CHODL: variants seen among roughly 807,000 people sequenced by gnomAD.
The protein encoded by CHODL is chondrolectin, also known as transmembrane protein MT75.
In CHODL, 29 loss-of-function variants were observed where a neutral mutation model predicts 34.5. The observed-to-expected ratio is 0.84, with a 90% CI of 0.63 to 1.15. The LOEUF is 1.15. CHODL is among the 50% of genes most tolerant of loss of function. The pLI, the probability that CHODL is intolerant of heterozygous loss-of-function variation, is 0.00. For missense variants in CHODL, 332 were observed against 332.5 expected (o/e 1.00, Z 0.01); for synonymous variants, 125 against 116.1 (o/e 1.08, Z -0.49).
intron 2 of CHODL, among the ~76,000 whole-genome samples, chr21:18,175,654 G>A (rs1244256942): frequency 6.6e-6 from 1 of 151,716 alleles, no homozygotes; most frequent in Non-Finnish European, 1.5e-5. Context: ...AGATAAAGGA[G>A]ACAGATGAAA....
chr21:17,992,522 C>T (rs1250147847), intron 1 of CHODL, among the ~76,000 whole-genome samples: 1 of 151,950 alleles, frequency 6.6e-6, no homozygotes. Flanking sequence ...GATATTTCAC[C>T]TCCTTGTTGA....
At chr21:17,983,650 A>C (rs1273856883) in intron 1 of CHODL, among the ~76,000 whole-genome samples, 3 of 152,148 alleles carry the variant, frequency 2.0e-5, no homozygotes, top group African/African-American at 7.2e-5. Flanking sequence ...TCATATATTA[A>C]ATGCAAATTT....
At chr21:18,088,375 T>G (rs2065032981) in intron 2 of CHODL, among the ~76,000 whole-genome samples, 1 of 152,162 alleles carries the variant, frequency 6.6e-6, no homozygotes, top group South Asian at 2.1e-4. Context: ...TGTCTGTAGA[T>G]CCTGATATCT....
chr21:17,969,678 C>G (rs567548832), intron 1 of CHODL, among the ~76,000 whole-genome samples: 4 of 152,238 alleles, frequency 2.6e-5, no homozygotes, highest in African/African-American at 4.8e-5. Flanking sequence ...GTGGCTTGTC[C>G]TCTCTTCTTT....
chr21:17,981,532 A>C (rs949501470), intron 1 of CHODL, among the ~76,000 whole-genome samples: 1 of 152,210 alleles, frequency 6.6e-6, no homozygotes, highest in African/African-American at 2.4e-5. Flanking sequence ...TGCAAATGTC[A>C]GTTGTCCCAA....
chr21:17,962,678 T>C (rs1197092853), intron 1 of CHODL, among the ~76,000 whole-genome samples: 1 of 152,186 alleles, frequency 6.6e-6, no homozygotes, highest in Non-Finnish European at 1.5e-5. Context: ...AGTGATATTC[T>C]TTTCCCTACA....
chr21:18,088,827 C>T (rs1239900776), intron 2 of CHODL, among the ~76,000 whole-genome samples: 3 of 152,174 alleles, frequency 2.0e-5, no homozygotes, highest in Admixed American at 6.5e-5. Flanking sequence ...TGCTATTGTA[C>T]AGGAGCAGCA....
intron 1 of CHODL, chr21:18,027,783 T>C (rs928905264): frequency 6.6e-6 from 1 of 152,444 alleles, no homozygotes; most frequent in Non-Finnish European, 1.5e-5. Context: ...AATTAGATCA[T>C]GAGAGGAGAG....
At chr21:18,143,734 G>A (rs1385220818) in intron 2 of CHODL, among the ~76,000 whole-genome samples, 6 of 151,878 alleles carry the variant, frequency 4.0e-5, no homozygotes, top group Admixed American at 3.9e-4. Flanking sequence ...GTGATAGTTG[G>A]CCATTATTAT....
chr21:18,060,957 G>C (rs1457547288), intron 2 of CHODL, among the ~76,000 whole-genome samples: 1 of 152,072 alleles, frequency 6.6e-6, no homozygotes, highest in Non-Finnish European at 1.5e-5. Flanking sequence ...TCCGAAGCTC[G>C]GTGTCAGGTT....
intron 2 of CHODL, among the ~76,000 whole-genome samples, chr21:18,214,068 C>G (rs2073799855): frequency 1.3e-5 from 2 of 152,008 alleles, no homozygotes; most frequent in Admixed American, 1.3e-4. Context: ...CACTTTTTTT[C>G]TATCCGTAGA....
intron 4 of CHODL, among the ~76,000 whole-genome samples, chr21:18,262,111 C>A (rs958585193): frequency 6.6e-6 from 1 of 151,998 alleles, no homozygotes; most frequent in Non-Finnish European, 1.5e-5. Context: ...TTAATGAAAG[C>A]TAGTCCATGT....
intron 2 of CHODL, among the ~76,000 whole-genome samples, chr21:18,197,380 G>A (rs148263204): frequency 2.4e-4 from 36 of 152,262 alleles, no homozygotes; most frequent in African/African-American, 6.7e-4. Context: ...GGAGGCCAAG[G>A]TGGACAAATC....
chr21:18,038,615 C>A (rs1329333653), intron 2 of CHODL, among the ~76,000 whole-genome samples: 1 of 151,646 alleles, frequency 6.6e-6, no homozygotes, highest in Non-Finnish European at 1.5e-5. Flanking sequence ...AGAAGCTCTT[C>A]CCATATTTGA....
intron 2 of CHODL, among the ~76,000 whole-genome samples, chr21:18,042,267 G>A (rs1227367748): frequency 1.3e-5 from 2 of 151,902 alleles, no homozygotes; most frequent in African/African-American, 4.8e-5. Flanking sequence ...GGTCTTGGAT[G>A]AATGGACCCC....
intron 1 of CHODL, among the ~76,000 whole-genome samples, chr21:17,951,929 A>C (rs1183940322): frequency 2.6e-5 from 4 of 152,168 alleles, no homozygotes; most frequent in Non-Finnish European, 4.4e-5. Context: ...TAATGATTAT[A>C]TGTCTTTAAA....
chr21:18,251,780 A>G (rs2074259826), intron 1 of CHODL, among the ~76,000 whole-genome samples: 1 of 134,886 alleles, frequency 7.4e-6, no homozygotes, highest in Non-Finnish European at 1.6e-5. Flanking sequence ...AAATATTTAT[A>G]TACTTTATAT....
intron 1 of CHODL, among the ~76,000 whole-genome samples, chr21:17,946,503 G>T (rs577572883): frequency 8.5e-4 from 129 of 152,192 alleles, no homozygotes; most frequent in African/African-American, 2.9e-3. Flanking sequence ...GCTGAAAAGA[G>T]GTATTGAAGT....
At chr21:18,185,581 T>C (rs547621191) in intron 2 of CHODL, among the ~76,000 whole-genome samples, 3 of 152,202 alleles carry the variant, frequency 2.0e-5, no homozygotes, top group Non-Finnish European at 4.4e-5. Flanking sequence ...TGGTGGTGGC[T>C]TGTGTGAGTC....
Sources: gnomAD v4.1 joint callset for allele counts (sites outside exome capture counted in the v4.1 genomes callset) on GRCh38, gnomAD v4.1.1 for gene constraint, MANE v1.5 for transcripts, NCBI Gene and HGNC (gene_info 2026-07-23, HGNC 2026-07-21) for gene names.